The following RGS7BP variants were observed in gnomAD, a reference collection of about 807,000 sequenced individuals.
The protein encoded by RGS7BP is regulator of G protein signaling 7-binding protein.
Under a neutral mutation model 31.3 loss-of-function variants are expected in RGS7BP, and 9 were observed. The observed-to-expected ratio is 0.29, with a 90% CI of 0.17 to 0.50. RGS7BP has a LOEUF of 0.50. Ranked by LOEUF, RGS7BP falls within the 20% of genes least tolerant of loss-of-function variation. The pLI is 0.98. For missense variants in RGS7BP, 274 were observed against 322.0 expected (o/e 0.85, Z 1.14); for synonymous variants, 115 against 120.1 (o/e 0.96, Z 0.28).
rs1399007794 is a variant in RGS7BP, at chr5:64,541,951, A to G, written c.333-33823A>G. ...AATCATTTCATATATTTTCTATTCT[A>G]GTTTTTTTTACGATTTTTCCATCTT... On this transcript the variant is annotated intron_variant, in intron 2 of 5. Coordinates refer to ENST00000334025, the MANE Select transcript of RGS7BP (RefSeq NM_001029875.3). 4.2e-5 allele frequency among the ~76,000 whole-genome samples: 4 copies of G among 94,598 alleles called. No homozygotes were observed. In the East Asian group the frequency reaches 3.3e-3, roughly 79 times the overall value. 62.1% of individuals were successfully genotyped at this position (94,598 alleles called of 152,430 possible).
intron 5 of RGS7BP, among the ~76,000 whole-genome samples, chr5:64,605,840 T>C (rs768424264): frequency 2.0e-5 from 3 of 151,354 alleles, no homozygotes; most frequent in Non-Finnish European, 4.4e-5. Flanking sequence ...ATAGTACACA[T>C]AAATATATGT....
chr5:64,509,918 A>G (rs558912345), intron 2 of RGS7BP, among the ~76,000 whole-genome samples: 35 of 152,320 alleles, frequency 2.3e-4, no homozygotes, highest in Non-Finnish European at 3.7e-4. Context: ...ATAAAAAATG[A>G]CAGCAATATA....
rs1175283339 is a variant in RGS7BP, at chr5:64,611,501, CTG to C, written c.*2251_*2252del. 4 of 152,198 alleles carry C rather than the reference CTG, an allele frequency of 2.6e-5. No homozygotes were observed. The highest frequency in any genetic ancestry group is 5.9e-5 in the Non-Finnish European group (4 of 67,860). 9.4% of individuals were successfully genotyped at this position (152,198 alleles called of 1,614,324 possible). A position where few individuals can be genotyped will look rare whatever the true frequency, so the allele number is the denominator to read the frequency against. On this transcript the variant is annotated 3_prime_UTR_variant, in exon 6 of 6. Coordinates refer to ENST00000334025, the MANE Select transcript of RGS7BP (RefSeq NM_001029875.3). ...CAATTGTCCTTTGTACAACTGAAGA[CTG>C]TTAATAAATTCAGGTCTCACCTCCA... is the stretch of plus-strand genomic sequence containing the variant.
At chr5:64,563,281 A>G (rs1462061386) in intron 2 of RGS7BP, among the ~76,000 whole-genome samples, 3 of 152,086 alleles carry the variant, frequency 2.0e-5, no homozygotes, top group Non-Finnish European at 4.4e-5. Flanking sequence ...TAAATTCATC[A>G]ACTGCTTTTT....
intron 2 of RGS7BP, among the ~76,000 whole-genome samples, chr5:64,535,945 G>A (rs1219202378): frequency 6.6e-6 from 1 of 152,124 alleles, no homozygotes; most frequent in Non-Finnish European, 1.5e-5. Flanking sequence ...AGTTGTCTGG[G>A]GTGTCTATGT....
At chr5:64,508,370 T>C (rs1480681929) in intron 2 of RGS7BP, among the ~76,000 whole-genome samples, 1 of 152,196 alleles carries the variant, frequency 6.6e-6, no homozygotes, top group Admixed American at 6.5e-5. Flanking sequence ...TATAAATTAC[T>C]CTCTTCACTG....
chr5:64,514,102 G>T (rs1748910785), intron 2 of RGS7BP, among the ~76,000 whole-genome samples: 1 of 152,044 alleles, frequency 6.6e-6, no homozygotes, highest in South Asian at 2.1e-4. Flanking sequence ...TCTTCGGTTT[G>T]GTGAAGCATC....
chr5:64,597,024 A>C (rs1373313310), intron 4 of RGS7BP, among the ~76,000 whole-genome samples: 1 of 152,096 alleles, frequency 6.6e-6, no homozygotes, highest in Admixed American at 6.6e-5. Context: ...ACTTTCCTAA[A>C]CCCATGGTGC....
chr5:64,545,283 G>T (rs184595873), intron 2 of RGS7BP, among the ~76,000 whole-genome samples: 5 of 152,074 alleles, frequency 3.3e-5, no homozygotes, highest in African/African-American at 7.2e-5. Context: ...GGAGTGGGGA[G>T]GGATAGCATT....
chr5:64,553,087 C>T (rs1333072499), intron 2 of RGS7BP, among the ~76,000 whole-genome samples: 2 of 151,254 alleles, frequency 1.3e-5, no homozygotes, highest in African/African-American at 4.9e-5. Context: ...TTTAGCCTGC[C>T]TTTTATTTTT....
intron 2 of RGS7BP, among the ~76,000 whole-genome samples, chr5:64,548,134 A>G (rs1199882991): frequency 6.6e-6 from 1 of 152,142 alleles, no homozygotes; most frequent in Non-Finnish European, 1.5e-5. Flanking sequence ...TTATTGTTGC[A>G]GTAAATAAAT....
chr5:64,539,831 A>G (rs2111806937), intron 2 of RGS7BP: 1 of 152,328 alleles, frequency 6.6e-6, no homozygotes, highest in East Asian at 1.9e-4. Context: ...TATGTTTTAC[A>G]TTTGAGTTTG....
At chr5:64,542,962 A>C (rs932201955) in intron 2 of RGS7BP, among the ~76,000 whole-genome samples, 2 of 152,312 alleles carry the variant, frequency 1.3e-5, no homozygotes, top group African/African-American at 4.8e-5. Context: ...TTCTTGTGGA[A>C]GTAGACTCAT....
At chr5:64,509,904 C>T (rs1848553) in intron 2 of RGS7BP, among the ~76,000 whole-genome samples, 8,565 of 152,210 alleles carry the variant, frequency 0.056, 794 homozygotes, top group African/African-American at 0.19. Flanking sequence ...ATTTAACATT[C>T]GTTATAAAAA....
At chr5:64,525,133 T>A (rs1318841044) in intron 2 of RGS7BP, among the ~76,000 whole-genome samples, 3 of 152,070 alleles carry the variant, frequency 2.0e-5, no homozygotes, top group Non-Finnish European at 4.4e-5. Context: ...TAGGTCTGTT[T>A]CCCAGCCATT....
intron 2 of RGS7BP, among the ~76,000 whole-genome samples, chr5:64,570,207 G>C (rs1046778483): frequency 1.1e-4 from 17 of 152,032 alleles, no homozygotes; most frequent in Non-Finnish European, 1.2e-4. Flanking sequence ...AGAAGGCTAA[G>C]TAAACACAAG....
At chr5:64,599,410 G>A (rs958131741) in intron 5 of RGS7BP, among the ~76,000 whole-genome samples, 31 of 152,178 alleles carry the variant, frequency 2.0e-4, no homozygotes, top group African/African-American at 7.5e-4. Context: ...AGGAGGAGGA[G>A]GAGGATTTGG....
chr5:64,525,768 TTTA>T, intron 2 of RGS7BP, among the ~76,000 whole-genome samples: 1 of 152,288 alleles, frequency 6.6e-6, no homozygotes, highest in Middle Eastern at 3.4e-3. Context: ...CATCCTGTTA[TTTA>T]TTGTGAAGAA....
chr5:64,589,916 C>T (rs925651638), intron 3 of RGS7BP, among the ~76,000 whole-genome samples: 2 of 144,046 alleles, frequency 1.4e-5, no homozygotes, highest in African/African-American at 5.2e-5. Context: ...CAGAGCGAGA[C>T]CCTGACTCAA....
Sources: gnomAD v4.1 joint callset for allele counts (sites outside exome capture counted in the v4.1 genomes callset) on GRCh38, gnomAD v4.1.1 for gene constraint, MANE v1.5 for transcripts, NCBI Gene and HGNC (gene_info 2026-07-23, HGNC 2026-07-21) for gene names.